SLC13A1: variants seen among roughly 807,000 people sequenced by gnomAD.
The protein encoded by SLC13A1 is Na(+)/sulfate cotransporter.
Under a neutral mutation model 70.0 loss-of-function variants are expected in SLC13A1, and 65 were observed. The observed-to-expected ratio is 0.93, with a 90% CI of 0.76 to 1.14. The LOEUF (loss-of-function observed/expected upper bound fraction) is 1.14, where lower values mean the gene tolerates loss of function less well. Ranked by LOEUF, SLC13A1 falls within the 50% of genes most tolerant of loss-of-function variation. The probability of loss-of-function intolerance (pLI) is 0.00; values close to 1 mark genes in which losing one functional copy is unlikely to be tolerated. For synonymous variants in SLC13A1, 275 were observed against 250.5 expected (o/e 1.10, Z -0.92); for missense variants, 726 against 717.8 (o/e 1.01, Z -0.13).
At chr7:123,164,947 C>A (rs1474808002) in intron 6 of SLC13A1, among the ~76,000 whole-genome samples, 1 of 151,682 alleles carries the variant, frequency 6.6e-6, no homozygotes, top group African/African-American at 2.4e-5. Context: ...TCAAACCCCA[C>A]AGGATTTATT....
intron 1 of SLC13A1, among the ~76,000 whole-genome samples, chr7:123,193,955 C>T (rs1796084383): frequency 6.6e-6 from 1 of 152,094 alleles, no homozygotes; most frequent in South Asian, 2.1e-4. Flanking sequence ...CTTTCTCCTG[C>T]ATTCTCTCCT....
chr7:123,134,392 C>T lies in SLC13A1; in HGVS notation c.932+18G>A. On this transcript the variant is annotated intron_variant, in intron 8 of 14. Transcript: ENST00000194130. ...TAGACACCTTTATTTAGCCTATTAA[C>T]ATGAAATATTTACTTACTTGAATCC... 1 of 1,609,738 alleles carries T rather than the reference C, an allele frequency of 6.2e-7. No individual in the cohort carries two copies. Among genetic ancestry groups the T allele is most frequent in the Non-Finnish European group, 8.5e-7 (1 of 1,177,776 alleles).
At chr7:123,184,546 T>C (rs1464062380) in intron 1 of SLC13A1, among the ~76,000 whole-genome samples, 1 of 152,082 alleles carries the variant, frequency 6.6e-6, no homozygotes, top group Admixed American at 6.6e-5. Flanking sequence ...ATTTAACATA[T>C]ATCCTTCAGG....
intron 10 of SLC13A1, among the ~76,000 whole-genome samples, chr7:123,127,978 TA>T (rs527508631): frequency 5.3e-5 from 8 of 151,754 alleles, no homozygotes; most frequent in Non-Finnish European, 1.2e-4. Flanking sequence ...GAGTTATTTA[TA>T]TTGACATATA....
Position 123,171,907 on chromosome 7 carries a change from GA to G in SLC13A1, c.229-4del, listed in dbSNP as rs1795288471. 1 of 1,611,012 alleles carries G rather than the reference GA, an allele frequency of 6.2e-7. No homozygotes were observed. Among genetic ancestry groups the G allele is most frequent in the Non-Finnish European group, 8.5e-7 (1 of 1,178,580 alleles). On this transcript the variant is annotated splice_region_variant and splice_polypyrimidine_tract_variant and intron_variant, in intron 2 of 14. Coordinates refer to ENST00000194130, the MANE Select transcript of SLC13A1 (RefSeq NM_022444.4). Reference sequence around the variant, plus strand: ...TCCTTGAAATAAGCAGATGCCACCTGAAATAACAATTAAACCCGTGATTATT... The same window carrying G: ...TCCTTGAAATAAGCAGATGCCACCTGAATAACAATTAAACCCGTGATTATT...
intron 12 of SLC13A1, among the ~76,000 whole-genome samples, chr7:123,120,067 C>T (rs144023685): frequency 7.4e-4 from 113 of 152,062 alleles, no homozygotes; most frequent in African/African-American, 2.7e-3. Flanking sequence ...TTTCATGTTC[C>T]CTCACAGAAA....
At chr7:123,198,386 TTTTAGTTATTATTATTA>T (rs1245703847) in intron 1 of SLC13A1, among the ~76,000 whole-genome samples, 1 of 151,828 alleles carries the variant, frequency 6.6e-6, no homozygotes, top group Non-Finnish European at 1.5e-5. Flanking sequence ...TGACAAGGTC[TTTTAGTTATTATTATTA>T]TTTACAAATT....
At chr7:123,189,731 T>C (rs1795936553) in intron 1 of SLC13A1, among the ~76,000 whole-genome samples, 1 of 152,062 alleles carries the variant, frequency 6.6e-6, no homozygotes, top group Non-Finnish European at 1.5e-5. Context: ...TATATATTTA[T>C]TAGATGTTTT....
Position 123,188,375 on chromosome 7 carries a change from G to GCTAT in SLC13A1, c.100-7275_100-7274insATAG, listed in dbSNP as rs201752207. ...TAGCACTATGAAAATCGACTAAGAA[G>GCTAT]CTGAGATGGTCATACTAGTTTATAT... On this transcript the variant is annotated intron_variant, in intron 1 of 14. Coordinates refer to ENST00000194130, the MANE Select transcript of SLC13A1 (RefSeq NM_022444.4). Among the ~76,000 whole-genome samples the GCTAT allele has an allele frequency of 9.6e-3, 1,457 of 152,218 alleles. 23 individuals carry two copies. Among genetic ancestry groups the GCTAT allele is most frequent in the African/African-American group, 0.033 (1,359 of 41,516 alleles).
chr7:123,144,499 C>T (rs1794280786), intron 7 of SLC13A1, among the ~76,000 whole-genome samples: 1 of 152,112 alleles, frequency 6.6e-6, no homozygotes, highest in Non-Finnish European at 1.5e-5. Flanking sequence ...GTGGATTTCT[C>T]AAAGTCAGAT....
intron 7 of SLC13A1, among the ~76,000 whole-genome samples, chr7:123,135,489 AC>A (rs1793921628): frequency 6.6e-6 from 1 of 152,142 alleles, no homozygotes; most frequent in South Asian, 2.1e-4. Flanking sequence ...AGTAATAAAA[AC>A]ATCATTAACA....
intron 6 of SLC13A1, among the ~76,000 whole-genome samples, chr7:123,160,072 A>C (rs1383840262): frequency 6.6e-6 from 1 of 151,990 alleles, no homozygotes; most frequent in Non-Finnish European, 1.5e-5. Context: ...TTATGAGGTC[A>C]GGAGTTCGAG....
chr7:123,188,541 T>C (rs900997532), intron 1 of SLC13A1, among the ~76,000 whole-genome samples: 3 of 152,204 alleles, frequency 2.0e-5, no homozygotes, highest in African/African-American at 4.8e-5. Flanking sequence ...ATTTTCACAG[T>C]TATTGAACAT....
chr7:123,125,715 A>G (rs771951043), intron 10 of SLC13A1, 40 bp from the exon 11 acceptor site: 53 of 1,471,616 alleles, frequency 3.6e-5, no homozygotes, highest in Non-Finnish European at 4.7e-5. Context: ...AATAGCATCA[A>G]GAACTTAAAT....
chr7:123,115,722 T>G, intron 14 of SLC13A1, 67 bp from the exon 15 acceptor site: 1 of 1,542,176 alleles, frequency 6.5e-7, no homozygotes, highest in Non-Finnish European at 8.9e-7. Context: ...AGAATCCTAT[T>G]GTAGGATGTA....
At chr7:123,132,258 C>A (rs1445351957) in intron 8 of SLC13A1, among the ~76,000 whole-genome samples, 1 of 152,134 alleles carries the variant, frequency 6.6e-6, no homozygotes, top group Non-Finnish European at 1.5e-5. Context: ...CATGGCAGTT[C>A]TGGAGAAAAA....
intron 1 of SLC13A1, among the ~76,000 whole-genome samples, chr7:123,188,857 T>C (rs1054426353): frequency 6.6e-6 from 1 of 152,048 alleles, no homozygotes; most frequent in African/African-American, 2.4e-5. Flanking sequence ...GGCTCACGCC[T>C]GTAATCCCAG....
At chr7:123,125,966 T>C (rs1793545034) in intron 10 of SLC13A1, among the ~76,000 whole-genome samples, 1 of 152,210 alleles carries the variant, frequency 6.6e-6, no homozygotes, top group Admixed American at 6.6e-5. Context: ...ATTTCCCTTT[T>C]AGATAAGCTT....
At chr7:123,141,691 CTCT>C (rs1195443312) in intron 7 of SLC13A1, among the ~76,000 whole-genome samples, 11 of 152,032 alleles carry the variant, frequency 7.2e-5, no homozygotes, top group African/African-American at 2.7e-4. Flanking sequence ...CCTTCTTTGT[CTCT>C]TCTTATACTT....
Sources: allele counts gnomAD v4.1 joint callset (sites outside exome capture counted in the v4.1 genomes callset), GRCh38; gene constraint gnomAD v4.1.1; transcripts MANE v1.5; gene names NCBI Gene and HGNC (gene_info 2026-07-23, HGNC 2026-07-21).